RETREG3: variants seen among roughly 807,000 people sequenced by gnomAD.
RETREG3 encodes reticulophagy regulator 3.
A neutral mutation model predicts 50.2 loss-of-function variants in RETREG3; 23 were observed. The observed-to-expected ratio is 0.46, with a 90% CI of 0.33 to 0.65. RETREG3 has a LOEUF of 0.65. Among genes scored for constraint, RETREG3 ranks in the 30% least tolerant of loss-of-function variants. The probability of loss-of-function intolerance (pLI) is 0.02; values close to 1 mark genes in which losing one functional copy is unlikely to be tolerated. For synonymous variants in RETREG3, 240 were observed against 234.4 expected (o/e 1.02, Z -0.22); for missense variants, 546 against 598.0 (o/e 0.91, Z 0.91).
rs550764034 is a variant in RETREG3, at chr17:42,580,142, A to G, written c.*1671T>C. On this transcript the variant is annotated 3_prime_UTR_variant, in exon 9 of 9. Coordinates refer to ENST00000309428, the MANE Select transcript of RETREG3 (RefSeq NM_178126.4). ...TTAGGTTTCTGTCTCACATCACATG[A>G]TTTCACTAGGGGCTGCAGAACAGAT... 6.6e-6 allele frequency: 1 copy of G among 152,484 alleles called. No homozygotes were observed. The highest frequency in any genetic ancestry group is 2.4e-5 in the African/African-American group (1 of 41,552). The allele number at this position is 152,484 out of a possible 1,614,324, so 9.4% of individuals were successfully genotyped here.
At chr17:42,598,855 A>T (rs545467024) in intron 1 of RETREG3, 1 of 152,230 alleles carries the variant, frequency 6.6e-6, no homozygotes, top group Non-Finnish European at 1.5e-5. Context: ...AGCATAGCTT[A>T]TAAGAATGGA....
intron 2 of RETREG3, 117 bp downstream of exon 2, chr17:42,591,939 A>C: frequency 2.4e-6 from 2 of 834,854 alleles, no homozygotes; most frequent in East Asian, 2.6e-5. Context: ...AATGATTCAG[A>C]CTTCAAAAGA....
rs112890848 is a variant in RETREG3 at position 42,580,087 on chromosome 17, C to T, written c.*1726G>A. 1.5e-4 allele frequency: 23 copies of T among 152,784 alleles called. No individual in the cohort carries two copies. Among genetic ancestry groups the T allele is most frequent in the African/African-American group, 5.5e-4 (23 of 41,566 alleles). 9.5% of individuals were successfully genotyped at this position (152,784 alleles called of 1,614,324 possible). On this transcript the variant is annotated 3_prime_UTR_variant, in exon 9 of 9. Coordinates refer to ENST00000309428, the MANE Select transcript of RETREG3 (RefSeq NM_178126.4). ...TGCTTGGGGAGGCAGAGGCTATAGA[C>T]TGGCACAGGTTTAGAATCAAGTACC... is the stretch of plus-strand genomic sequence containing the variant.
intron 1 of RETREG3, among the ~76,000 whole-genome samples, chr17:42,592,754 C>A (rs1319183963): frequency 6.6e-6 from 1 of 151,994 alleles, no homozygotes; most frequent in Non-Finnish European, 1.5e-5. Flanking sequence ...GAGTTTGAGG[C>A]CAGCCTGGCC....
chr17:42,599,533 A>C (rs1017674770), intron 1 of RETREG3, among the ~76,000 whole-genome samples: 3 of 151,922 alleles, frequency 2.0e-5, no homozygotes, highest in Admixed American at 6.6e-5. Flanking sequence ...GTATGCCTGT[A>C]ATCTCAGCTA....
At chr17:42,583,275 G>A (rs1336272815) in intron 7 of RETREG3, among the ~76,000 whole-genome samples, 4 of 152,002 alleles carry the variant, frequency 2.6e-5, no homozygotes, top group African/African-American at 9.7e-5. Flanking sequence ...CGGAAGAGCG[G>A]TGCTGGGCAT....
chr17:42,596,821 C>A (rs934335825), intron 1 of RETREG3, among the ~76,000 whole-genome samples: 3 of 151,548 alleles, frequency 2.0e-5, no homozygotes, highest in Non-Finnish European at 4.4e-5. Flanking sequence ...TTGGAGGGGT[C>A]AACTCTAGTT....
At chr17:42,589,106 C>CAAAAAAAAAAAAAAAA (rs58887647) in intron 2 of RETREG3, among the ~76,000 whole-genome samples, 1 of 132,852 alleles carries the variant, frequency 7.5e-6, no homozygotes. Flanking sequence ...TGTCTCTAAC[C>CAAAAAAAAAAAAAAAA]AAAAAAAAAA....
At chr17:42,597,277 C>T (rs2093147138) in intron 1 of RETREG3, among the ~76,000 whole-genome samples, 1 of 150,456 alleles carries the variant, frequency 6.6e-6, no homozygotes. Flanking sequence ...CAACCTCTGC[C>T]TCCCAGGTTC....
rs1204597325 is a variant in RETREG3 at position 42,586,593 on chromosome 17, G to A, written c.504+172C>T. Among the ~76,000 whole-genome samples the A allele has an allele frequency of 2.0e-5, 3 of 152,156 alleles. No homozygotes were observed. In the East Asian group the frequency reaches 5.8e-4, roughly 29 times the overall value. ...CCAAATGAGCAGTCACCAAGCTCCT[G>A]TGTTAGTCCTAATGGCTGGTCAGAA... On this transcript the variant is annotated intron_variant, in intron 4 of 8. Transcript: ENST00000309428.
rs1453855151 is a variant in RETREG3, at chr17:42,582,679, G to C, written c.938C>G (p.Ser313Cys). 1 of 1,614,088 alleles carries C rather than the reference G, an allele frequency of 6.2e-7. No individual in the cohort carries two copies. Among genetic ancestry groups the C allele is most frequent in the African/African-American group, 1.3e-5 (1 of 74,946 alleles). Residue 313 changes from serine to cysteine, a missense_variant, in exon 8 of 9, where the codon TCT becomes TGT. Transcript: ENST00000309428. ...SRGQTPLTEG[S>C]EDLDGHSDPE... ...AGGTCAAAGGCTCCCCTCACCTTCA[G>C]AGCCTTCCGTTAGAGGTGTTTGGCC... is the stretch of plus-strand genomic sequence containing the variant.
intron 7 of RETREG3, 35 bp from the exon 8 acceptor site, chr17:42,582,841 A>T: frequency 2.5e-6 from 4 of 1,613,486 alleles, no homozygotes; most frequent in Middle Eastern, 3.3e-4. Flanking sequence ...AGATAATGCC[A>T]TCAGGAACCA....
At position 42,586,887 on chromosome 17, in the gene RETREG3, C is replaced by T. The variant is rs2143380962; in HGVS notation, c.382G>A (p.Gly128Ser). 1.2e-6 allele frequency: 2 copies of T among 1,613,656 alleles called. No individual in the cohort carries two copies. The highest frequency in any genetic ancestry group is 1.7e-6 in the Non-Finnish European group (2 of 1,179,826). ...CTGAGCAACCGAGGGTGCACAAAGC[C>T]CCAGCTATGGGAGAGAGAAGGGGGA... is the stretch of plus-strand genomic sequence containing the variant. ...RPDALDNESW[G>S]FVHPRLLSVP... is the part of the protein sequence containing the mutation. Residue 128 changes from glycine to serine, a missense_variant, in exon 4 of 9, where the codon GGC becomes AGC. Coordinates refer to ENST00000309428, the MANE Select transcript of RETREG3 (RefSeq NM_178126.4).
chr17:42,583,855 T>C (rs2093115520), intron 6 of RETREG3, among the ~76,000 whole-genome samples: 1 of 152,240 alleles, frequency 6.6e-6, no homozygotes, highest in Admixed American at 6.5e-5. Context: ...TTGCCCAGGC[T>C]GGAGTGCAAT....
rs1336997308 is a variant in RETREG3, at chr17:42,586,870, C to G, written c.399G>C (p.Arg133=). 1 of 1,613,990 alleles carries G rather than the reference C, an allele frequency of 6.2e-7. No homozygotes were observed. Among genetic ancestry groups the G allele is most frequent in the South Asian group, 1.1e-5 (1 of 91,072 alleles). The stretch of plus-strand genomic sequence containing the variant: ...GGCAGAGCTCGGGCACGCTGAGCAA[C>G]CGAGGGTGCACAAAGCCCCAGCTAT... ...DNESWGFVHP[R]LLSVPELCHH... Residue 133 remains arginine, a synonymous_variant, in exon 4 of 9, where the codon CGG becomes CGC. Transcript: ENST00000309428.
chr17:42,588,306 G>A (rs982572093), intron 2 of RETREG3, among the ~76,000 whole-genome samples: 6 of 152,182 alleles, frequency 3.9e-5, no homozygotes, highest in African/African-American at 1.4e-4. Flanking sequence ...GCCCAGCCTG[G>A]AGTGCAGTGG....
intron 4 of RETREG3, 147 bp from the exon 5 acceptor site, chr17:42,586,284 T>G: frequency 1.4e-6 from 1 of 706,428 alleles, no homozygotes; most frequent in Non-Finnish European, 2.4e-6. Context: ...GTGATTCTGT[T>G]TGGGAAGAAA....
intron 1 of RETREG3, among the ~76,000 whole-genome samples, chr17:42,606,148 ATGCT>A (rs1314650647): frequency 1.3e-5 from 2 of 152,182 alleles, no homozygotes; most frequent in African/African-American, 4.8e-5. Context: ...AATCACAGCA[ATGCT>A]TTAAGAGACC....
At position 42,604,441 on chromosome 17, in the gene RETREG3, G is replaced by C. The variant is rs955536724; in HGVS notation, c.239+4645C>G. Among the ~76,000 whole-genome samples, 3 of 152,112 alleles carry C rather than the reference G, an allele frequency of 2.0e-5. No homozygotes were observed. In the East Asian group the frequency reaches 5.8e-4, roughly 29 times the overall value. ...TCCTAGCACTTTAGGAGACCAAGCC[G>C]GGAGGGCTGTTAGAGATGAGGAGTT... is the stretch of plus-strand genomic sequence containing the variant. On this transcript the variant is annotated intron_variant, in intron 1 of 8. Coordinates refer to ENST00000309428, the MANE Select transcript of RETREG3 (RefSeq NM_178126.4).
Sources: gnomAD v4.1 joint callset for allele counts (sites outside exome capture counted in the v4.1 genomes callset) on GRCh38, gnomAD v4.1.1 for gene constraint, MANE v1.5 for transcripts, NCBI Gene and HGNC (gene_info 2026-07-23, HGNC 2026-07-21) for gene names.